NCOA1: variants seen among roughly 807,000 people sequenced by gnomAD.
The protein encoded by NCOA1 is nuclear receptor coactivator 1.
Under a neutral mutation model 150.9 loss-of-function variants are expected in NCOA1, and 35 were observed. The observed-to-expected ratio is 0.23, with a 90% CI of 0.18 to 0.31. The LOEUF (loss-of-function observed/expected upper bound fraction) is 0.31. Among genes scored for constraint, NCOA1 ranks in the 10% least tolerant of loss-of-function variants. NCOA1 has a pLI of 1.00. For synonymous variants in NCOA1, 590 were observed against 630.0 expected (o/e 0.94, Z 0.95); for missense variants, 1,491 against 1,749.3 (o/e 0.85, Z 2.63).
At chr2:24,604,217 A>T (rs1229079520) in intron 3 of NCOA1, among the ~76,000 whole-genome samples, 5 of 152,234 alleles carry the variant, frequency 3.3e-5, no homozygotes, top group Admixed American at 2.0e-4. Flanking sequence ...TATAGCACAC[A>T]GGCCAGGTAA....
intron 3 of NCOA1, among the ~76,000 whole-genome samples, chr2:24,612,311 A>G (rs981973104): frequency 2.0e-5 from 3 of 152,104 alleles, no homozygotes; most frequent in Non-Finnish European, 2.9e-5. Context: ...TTCTCTGACT[A>G]CCTTTAAGAC....
chr2:24,762,818 C>G (rs928624321), intron 22 of NCOA1, 42 bp downstream of exon 22: 2 of 1,527,626 alleles, frequency 1.3e-6, no homozygotes, highest in East Asian at 2.3e-5. Flanking sequence ...CAAATGTACT[C>G]TAGATGCACA....
chr2:24,684,890 T>G (rs1672332721), intron 8 of NCOA1, among the ~76,000 whole-genome samples: 1 of 152,170 alleles, frequency 6.6e-6, no homozygotes, highest in African/African-American at 2.4e-5. Flanking sequence ...TCAAGGTATT[T>G]CCAAAAAGCA....
At position 24,633,393 on chromosome 2, in the gene NCOA1, T is replaced by C. The variant is rs141935907; in HGVS notation, c.-174-10573T>C. Among the ~76,000 whole-genome samples the C allele has an allele frequency of 6.2e-3, 948 of 152,030 alleles. 13 individuals carry two copies. The highest frequency in any genetic ancestry group is 0.021 in the African/African-American group (870 of 41,480). On this transcript the variant is annotated intron_variant, in intron 3 of 22. Coordinates refer to ENST00000348332, the MANE Select transcript of NCOA1 (RefSeq NM_003743.5). ...TAATAAACAGAAGATAAAGTAAATA[T>C]ACTAGTGCAGGAGGGCCAGCTCTGT...
chr2:24,548,201 C>T (rs1665684394), intron 1 of NCOA1, among the ~76,000 whole-genome samples: 1 of 152,126 alleles, frequency 6.6e-6, no homozygotes. Flanking sequence ...GGAAGCCTCA[C>T]AATCATGGTG....
chr2:24,721,738 C>G (rs1279824833), intron 14 of NCOA1, among the ~76,000 whole-genome samples: 1 of 152,206 alleles, frequency 6.6e-6, no homozygotes, highest in African/African-American at 2.4e-5. Context: ...TGCCCATGGC[C>G]TGTTCCTTTA....
At chr2:24,572,727 T>C (rs1666791847) in intron 2 of NCOA1, among the ~76,000 whole-genome samples, 2 of 152,298 alleles carry the variant, frequency 1.3e-5, no homozygotes, top group Middle Eastern at 3.4e-3. Flanking sequence ...AACATATCTT[T>C]AATTTTATTT....
At chr2:24,513,618 A>G (rs1664029124) in intron 1 of NCOA1, among the ~76,000 whole-genome samples, 1 of 152,224 alleles carries the variant, frequency 6.6e-6, no homozygotes. Flanking sequence ...ACACGTGTAC[A>G]TATGTGCTTG....
chr2:24,662,839 G>A (rs1671244934), intron 5 of NCOA1, among the ~76,000 whole-genome samples: 1 of 151,848 alleles, frequency 6.6e-6, no homozygotes, highest in African/African-American at 2.4e-5. Flanking sequence ...CCAGGCTGGA[G>A]TGGAGCAGCA....
intron 3 of NCOA1, among the ~76,000 whole-genome samples, chr2:24,591,750 C>T (rs1223978108): frequency 6.6e-6 from 1 of 152,062 alleles, no homozygotes; most frequent in East Asian, 1.9e-4. Context: ...ACTTATCTTT[C>T]AGGTCTCTTC....
At chr2:24,762,147 C>T (rs1238715974) in intron 21 of NCOA1, among the ~76,000 whole-genome samples, 1 of 152,268 alleles carries the variant, frequency 6.6e-6, no homozygotes, top group Non-Finnish European at 1.5e-5. Flanking sequence ...ACACTCCAGG[C>T]AGTAGGCTGG....
At chr2:24,526,600 A>G (rs543515861) in intron 1 of NCOA1, among the ~76,000 whole-genome samples, 3 of 152,066 alleles carry the variant, frequency 2.0e-5, no homozygotes. Context: ...ACTGTTCTTC[A>G]TTCTTGTGCT....
At chr2:24,587,847 C>T (rs1260096708) in intron 3 of NCOA1, among the ~76,000 whole-genome samples, 1 of 152,160 alleles carries the variant, frequency 6.6e-6, no homozygotes, top group Non-Finnish European at 1.5e-5. Context: ...GATTCCTGGT[C>T]CCATGGACAA....
intron 1 of NCOA1, among the ~76,000 whole-genome samples, chr2:24,545,893 A>G (rs773183370): frequency 1.3e-5 from 2 of 152,120 alleles, no homozygotes; most frequent in Non-Finnish European, 2.9e-5. Context: ...CCCAGGTTCA[A>G]GCAATCCTGC....
intron 22 of NCOA1, among the ~76,000 whole-genome samples, chr2:24,764,641 T>C (rs1664957582): frequency 6.6e-6 from 1 of 152,208 alleles, no homozygotes; most frequent in Non-Finnish European, 1.5e-5. Flanking sequence ...ATAATAAGTA[T>C]TCATAGGAAT....
chr2:24,748,122 GA>G (rs1387603955), intron 19 of NCOA1, among the ~76,000 whole-genome samples: 3 of 147,106 alleles, frequency 2.0e-5, no homozygotes, highest in South Asian at 4.3e-4. Flanking sequence ...AAAGAAAAAA[GA>G]AAAAAAAATG....
chr2:24,600,244 C>G (rs1423561761), intron 3 of NCOA1, among the ~76,000 whole-genome samples: 1 of 152,134 alleles, frequency 6.6e-6, no homozygotes, highest in African/African-American at 2.4e-5. Context: ...GCTCTGTCGC[C>G]CAGGCTGGAG....
At chr2:24,766,214 A>G (rs1187773961) in intron 22 of NCOA1, among the ~76,000 whole-genome samples, 2 of 152,174 alleles carry the variant, frequency 1.3e-5, no homozygotes, top group East Asian at 3.8e-4. Context: ...CTATCTTTTA[A>G]AAAGTTTTAT....
intron 2 of NCOA1, among the ~76,000 whole-genome samples, chr2:24,571,099 A>G (rs925317107): frequency 1.3e-5 from 2 of 152,072 alleles, no homozygotes; most frequent in African/African-American, 2.4e-5. Flanking sequence ...GTAACGAAAG[A>G]TATGCCTGGG....
Sources: allele counts gnomAD v4.1 joint callset (sites outside exome capture counted in the v4.1 genomes callset), GRCh38; gene constraint gnomAD v4.1.1; transcripts MANE v1.5; gene names NCBI Gene and HGNC (gene_info 2026-07-23, HGNC 2026-07-21).